TENM4: variants seen among roughly 807,000 people sequenced by gnomAD.
The protein encoded by TENM4 is teneurin transmembrane protein 4.
Under a neutral mutation model 243.3 loss-of-function variants are expected in TENM4, and 82 were observed. The observed-to-expected ratio is 0.34, with a 90% CI of 0.28 to 0.40. TENM4 has a LOEUF of 0.40. Ranked by LOEUF, TENM4 falls within the 10% of genes least tolerant of loss-of-function variation. The pLI is 1.00. For missense variants in TENM4, 3,138 were observed against 3,673.3 expected (o/e 0.85, Z 3.77); for synonymous variants, 1,412 against 1,456.3 (o/e 0.97, Z 0.69).
chr11:78,727,396 A>T (rs1268900865), intron 22 of TENM4, among the ~76,000 whole-genome samples: 2 of 151,452 alleles, frequency 1.3e-5, no homozygotes, highest in Non-Finnish European at 2.9e-5. Context: ...GCAGTGAGCC[A>T]CTGCATTCCA....
At chr11:79,439,663 CCACACACA>C (rs141828517) in intron 1 of TENM4, among the ~76,000 whole-genome samples, 8 of 146,828 alleles carry the variant, frequency 5.4e-5, no homozygotes, top group South Asian at 2.2e-4. Context: ...GTGTGTGTGT[CCACACACA>C]CACACACACA....
At chr11:79,370,872 A>G (rs1857771548) in intron 1 of TENM4, among the ~76,000 whole-genome samples, 8 of 150,676 alleles carry the variant, frequency 5.3e-5, no homozygotes, top group Admixed American at 5.3e-4. Flanking sequence ...AGATGTACAT[A>G]GTTTGGGAAA....
At chr11:78,945,824 TC>T (rs1465842723) in intron 6 of TENM4, among the ~76,000 whole-genome samples, 1 of 152,164 alleles carries the variant, frequency 6.6e-6, no homozygotes, top group Non-Finnish European at 1.5e-5. Context: ...GCCACAACAC[TC>T]CCTTAAACCA....
chr11:79,301,766 C>T (rs768286968), intron 1 of TENM4, among the ~76,000 whole-genome samples: 4 of 152,150 alleles, frequency 2.6e-5, no homozygotes, highest in Non-Finnish European at 4.4e-5. Context: ...CTCTTGATAA[C>T]GAGTGAGTTC....
intron 6 of TENM4, among the ~76,000 whole-genome samples, chr11:78,967,745 T>C (rs1857466648): frequency 6.6e-6 from 1 of 152,130 alleles, no homozygotes. Flanking sequence ...GCTTCTACTG[T>C]GTTTGTAGTA....
chr11:79,329,315 G>A (rs1244863460), intron 1 of TENM4, among the ~76,000 whole-genome samples: 1 of 152,226 alleles, frequency 6.6e-6, no homozygotes, highest in Non-Finnish European at 1.5e-5. Context: ...AGGCTCAGCA[G>A]TGACGGGAGA....
chr11:78,971,873 TCA>T (rs1857553112), intron 6 of TENM4, among the ~76,000 whole-genome samples: 1 of 152,140 alleles, frequency 6.6e-6, no homozygotes, highest in African/African-American at 2.4e-5. Flanking sequence ...AATGCTGATA[TCA>T]CACAGATATT....
At chr11:78,929,722 T>A (rs1164634875) in intron 6 of TENM4, among the ~76,000 whole-genome samples, 1 of 152,192 alleles carries the variant, frequency 6.6e-6, no homozygotes, top group East Asian at 1.9e-4. Context: ...AAGCTTCAGG[T>A]GGCTGTAGAT....
chr11:79,231,037 G>T (rs948488056), intron 2 of TENM4, among the ~76,000 whole-genome samples: 1 of 152,138 alleles, frequency 6.6e-6, no homozygotes, highest in East Asian at 1.9e-4. Flanking sequence ...CTTGGCTGGG[G>T]ATTCTGCATG....
intron 3 of TENM4, chr11:79,191,801 T>C (rs376495644): frequency 6.9e-5 from 12 of 173,222 alleles, no homozygotes; most frequent in Admixed American, 1.3e-4. Flanking sequence ...AGGTGAGGAG[T>C]GTCTCTGCCC....
chr11:79,029,759 G>T (rs1345551536), intron 6 of TENM4, among the ~76,000 whole-genome samples: 1 of 152,182 alleles, frequency 6.6e-6, no homozygotes, highest in Non-Finnish European at 1.5e-5. Context: ...CGGGACAAGA[G>T]TGACTTGGTA....
intron 2 of TENM4, among the ~76,000 whole-genome samples, chr11:79,224,213 G>A (rs1489082084): frequency 6.6e-6 from 1 of 152,202 alleles, no homozygotes; most frequent in African/African-American, 2.4e-5. Context: ...TGACTGATCT[G>A]ACAGATTCAT....
chr11:79,066,735 C>CGCACACGCAG (rs1227508892), intron 5 of TENM4, among the ~76,000 whole-genome samples: 5 of 149,014 alleles, frequency 3.4e-5, no homozygotes, highest in African/African-American at 1.3e-4. Context: ...CACACGCGCA[C>CGCACACGCAG]GCACATGCAC....
rs192071526 is a variant in TENM4 at position 78,812,093 on chromosome 11, G to A, written c.1978+29C>T. 5.3e-5 allele frequency: 81 copies of A among 1,542,670 alleles called. No individual in the cohort carries two copies. In the African/African-American group the frequency reaches 1.0e-3, roughly 20 times the overall value. On this transcript the variant is annotated intron_variant, in intron 14 of 33. Transcript: ENST00000278550. ...ATGCCAGCCTCTATCTCAGAGGAAG[G>A]TGCCGGAGCTGCCACCTGCAACTCT...
chr11:79,090,376 G>A (rs536346101), intron 4 of TENM4, among the ~76,000 whole-genome samples: 20 of 152,246 alleles, frequency 1.3e-4, no homozygotes, highest in Non-Finnish European at 2.4e-4. Context: ...ATTTGTCAGC[G>A]TGACTGATGC....
intron 6 of TENM4, among the ~76,000 whole-genome samples, chr11:79,045,376 G>C (rs1859631602): frequency 6.6e-6 from 1 of 152,172 alleles, no homozygotes; most frequent in Non-Finnish European, 1.5e-5. Context: ...GTGAGAGACG[G>C]GGTCAGTGGG....
intron 6 of TENM4, among the ~76,000 whole-genome samples, chr11:78,904,375 A>C (rs1004911633): frequency 1.3e-5 from 2 of 148,222 alleles, no homozygotes; most frequent in Non-Finnish European, 3.0e-5. Context: ...AAAAAAAAAA[A>C]GTAAAACATA....
Position 78,919,627 on chromosome 11 carries a change from A to G in TENM4, c.494-16104T>C, listed in dbSNP as rs367760414. On this transcript the variant is annotated intron_variant, in intron 6 of 33. Coordinates refer to ENST00000278550, the MANE Select transcript of TENM4 (RefSeq NM_001098816.3). ...TCATATGAGGAATGCCTGCCTGAGA[A>G]TAAGGCCAAAACAAAGGGAAACAGG... Among the ~76,000 whole-genome samples the G allele has an allele frequency of 3.9e-5, 6 of 152,256 alleles. No individual in the cohort carries two copies. In the South Asian group the frequency reaches 1.2e-3, roughly 32 times the overall value.
At chr11:78,929,451 CAG>C (rs1202215069) in intron 6 of TENM4, among the ~76,000 whole-genome samples, 4 of 152,146 alleles carry the variant, frequency 2.6e-5, no homozygotes, top group African/African-American at 9.7e-5. Context: ...GAAAAACTCA[CAG>C]GTTCAGAAGA....
Sources: allele counts gnomAD v4.1 joint callset (sites outside exome capture counted in the v4.1 genomes callset), GRCh38; gene constraint gnomAD v4.1.1; transcripts MANE v1.5; gene names NCBI Gene and HGNC (gene_info 2026-07-23, HGNC 2026-07-21).